IQSEC1: variants seen among roughly 807,000 people sequenced by gnomAD.
IQSEC1 encodes IQ motif and Sec7 domain ArfGEF 1, also known as IQ motif and SEC7 domain-containing protein 1.
In IQSEC1, 31 loss-of-function variants were observed where a neutral mutation model predicts 91.0. That is an observed-to-expected ratio of 0.34 (90% CI 0.26 to 0.46). IQSEC1 has a LOEUF of 0.46. Among genes scored for constraint, IQSEC1 ranks in the 20% least tolerant of loss-of-function variants. The probability of loss-of-function intolerance (pLI) is 1.00; values close to 1 mark genes in which losing one functional copy is unlikely to be tolerated. For missense variants in IQSEC1, 1,388 were observed against 1,575.6 expected, an observed-to-expected ratio of 0.88 and a Z score of 2.02; for synonymous variants, 699 against 662.6, an observed-to-expected ratio of 1.05 and a Z score of -0.84.
intron 2 of IQSEC1, among the ~76,000 whole-genome samples, chr3:13,137,641 T>A (rs1706731987): frequency 2.0e-5 from 3 of 152,202 alleles, no homozygotes; most frequent in African/African-American, 7.2e-5. Flanking sequence ...GGCTCACAGA[T>A]AATCATTATT....
chr3:13,128,937 A>G (rs1445679758), intron 2 of IQSEC1, among the ~76,000 whole-genome samples: 1 of 151,508 alleles, frequency 6.6e-6, no homozygotes, highest in Non-Finnish European at 1.5e-5. Context: ...TCAAGTCTGC[A>G]GTTTTATTTT....
intron 1 of IQSEC1, among the ~76,000 whole-genome samples, chr3:13,033,827 C>T (rs750598988): frequency 1.3e-5 from 2 of 152,152 alleles, no homozygotes; most frequent in South Asian, 4.1e-4. Context: ...GGAGGGCAGT[C>T]GGCTTCACTC....
intron 1 of IQSEC1, among the ~76,000 whole-genome samples, chr3:13,166,330 C>T (rs1027110774): frequency 3.9e-5 from 6 of 152,222 alleles, no homozygotes; most frequent in Admixed American, 1.3e-4. Context: ...CTCAGTAGGA[C>T]GAAAATGCCA....
chr3:13,182,757 T>C (rs932704543), intron 1 of IQSEC1, among the ~76,000 whole-genome samples: 1 of 152,222 alleles, frequency 6.6e-6, no homozygotes, highest in Admixed American at 6.5e-5. Flanking sequence ...AATGAAAATA[T>C]AACATATCAA....
intron 1 of IQSEC1, among the ~76,000 whole-genome samples, chr3:13,205,427 G>A (rs1694326029): frequency 6.6e-6 from 1 of 152,004 alleles, no homozygotes; most frequent in Non-Finnish European, 1.5e-5. Flanking sequence ...GTTCCTGTTA[G>A]TCCCATCTGA....
chr3:12,987,070 A>G (rs1559700879), intron 1 of IQSEC1: 1 of 394,928 alleles, frequency 2.5e-6, no homozygotes, highest in East Asian at 8.9e-5. Context: ...GAGCTCCCTC[A>G]GCCGTCCCCC....
intron 1 of IQSEC1, among the ~76,000 whole-genome samples, chr3:13,036,643 G>A (rs1704046808): frequency 6.6e-6 from 1 of 152,110 alleles, no homozygotes; most frequent in South Asian, 2.1e-4. Flanking sequence ...TGTGGGGGGT[G>A]CCCGACAGCC....
At chr3:12,954,784 C>T (rs945222191) in intron 1 of IQSEC1, among the ~76,000 whole-genome samples, 2 of 152,216 alleles carry the variant, frequency 1.3e-5, no homozygotes, top group African/African-American at 2.4e-5. Flanking sequence ...AATGATGCTG[C>T]TAGTGACTTG....
At position 13,211,517 on chromosome 3, in the gene IQSEC1, G is replaced by T. The variant is rs894004710; in HGVS notation, c.273-47384C>A. ...GGCATCCACCCCCAAGTCCCCTTTT[G>T]GGAGCAGTGTCTTCAGCCACCTCCC... is the stretch of plus-strand genomic sequence containing the variant. On this transcript the variant is annotated intron_variant, in intron 1 of 15. Transcript: ENST00000648114. The surrounding 1 kb of genome is among the most constrained non-coding windows in gnomAD (Gnocchi z 5.3). Among the ~76,000 whole-genome samples the T allele has an allele frequency of 4.0e-5, 6 of 150,244 alleles. No individual in the cohort carries two copies. The highest frequency in any genetic ancestry group is 1.5e-4 in the African/African-American group (6 of 40,684).
At chr3:12,910,527 C>T (rs1449794489) in intron 10 of IQSEC1, among the ~76,000 whole-genome samples, 2 of 152,254 alleles carry the variant, frequency 1.3e-5, no homozygotes, top group Non-Finnish European at 2.9e-5. Context: ...CTGGCCTCCC[C>T]TGGGACCAAG....
chr3:12,904,834 C>T (rs927940040), intron 12 of IQSEC1, among the ~76,000 whole-genome samples: 1 of 152,228 alleles, frequency 6.6e-6, no homozygotes, highest in African/African-American at 2.4e-5. Context: ...CCTGGGCCAG[C>T]CCTGAAGGCT....
chr3:13,219,575 G>A (rs1694618751), intron 1 of IQSEC1, among the ~76,000 whole-genome samples: 1 of 152,254 alleles, frequency 6.6e-6, no homozygotes, highest in Non-Finnish European at 1.5e-5. Context: ...CACCCACCCG[G>A]CGGTCTTCGG....
chr3:13,030,517 C>T (rs923459324), intron 1 of IQSEC1, among the ~76,000 whole-genome samples: 2 of 152,206 alleles, frequency 1.3e-5, no homozygotes, highest in Admixed American at 6.5e-5. Context: ...GCTTCCTGAT[C>T]TAACTCCCAG....
At chr3:13,221,309 G>A (rs1694655217) in intron 1 of IQSEC1, among the ~76,000 whole-genome samples, 1 of 152,208 alleles carries the variant, frequency 6.6e-6, no homozygotes. Context: ...ACGCCCCTCT[G>A]CAGGCCCCTC....
rs1357256095 is a variant in IQSEC1 at position 13,211,548 on chromosome 3, G to A, written c.273-47415C>T. ...AGTGTCTTCAGCCACCTCCCTGGACGCCCTTCCCCTAGTAGGAGCCCACAG... is the reference window on the plus strand; with the variant it reads ...AGTGTCTTCAGCCACCTCCCTGGACACCCTTCCCCTAGTAGGAGCCCACAG... On this transcript the variant is annotated intron_variant, in intron 1 of 15. Transcript: ENST00000648114. The surrounding 1 kb of genome is among the most constrained non-coding windows in gnomAD (Gnocchi z 5.3). 5.3e-5 allele frequency among the ~76,000 whole-genome samples: 8 copies of A among 151,968 alleles called. No individual in the cohort carries two copies. Among genetic ancestry groups the A allele is most frequent in the Non-Finnish European group, 1.0e-4 (7 of 67,996 alleles).
chr3:13,110,140 C>G (rs545366502), intron 2 of IQSEC1, among the ~76,000 whole-genome samples: 37 of 151,954 alleles, frequency 2.4e-4, no homozygotes, highest in African/African-American at 8.0e-4. Context: ...CCTTGGCCCC[C>G]CAAAGTGCTG....
chr3:13,093,292 G>A (rs1705897935), intron 2 of IQSEC1, among the ~76,000 whole-genome samples: 1 of 152,162 alleles, frequency 6.6e-6, no homozygotes, highest in African/African-American at 2.4e-5. Context: ...GCTCAAGGAC[G>A]GAAGGAGACC....
intron 2 of IQSEC1, among the ~76,000 whole-genome samples, chr3:13,091,805 G>A (rs905601048): frequency 6.6e-6 from 1 of 152,184 alleles, no homozygotes; most frequent in African/African-American, 2.4e-5. Flanking sequence ...CAGAGGACAC[G>A]TGTGGCACAT....
rs1222633480 is a variant in IQSEC1, at chr3:13,282,641, C to A, written c.272+70G>T. 6.6e-6 allele frequency among the ~76,000 whole-genome samples: 1 copy of A among 151,716 alleles called. No homozygotes were observed. Among genetic ancestry groups the A allele is most frequent in the Non-Finnish European group, 1.5e-5 (1 of 67,812 alleles). On this transcript the variant is annotated intron_variant, in intron 1 of 15. Coordinates refer to the IQSEC1 transcript ENST00000648114. This position sits in a 1 kb window ranked among gnomAD's most constrained non-coding sequence, Gnocchi z 6.4. ...CACCCGCCCACCTCCCCGCCAAGCCCCGAGGGAAGCCGCGGACCCCAAGAA... is the reference window on the plus strand; with the variant it reads ...CACCCGCCCACCTCCCCGCCAAGCCACGAGGGAAGCCGCGGACCCCAAGAA...
Sources: allele counts gnomAD v4.1 joint callset (sites outside exome capture counted in the v4.1 genomes callset), GRCh38; gene constraint gnomAD v4.1.1; non-coding constraint Gnocchi (gnomAD v3.1); transcripts MANE v1.5; gene names NCBI Gene and HGNC (gene_info 2026-07-23, HGNC 2026-07-21).